Variants in FSTL5 observed in about 807,000 individuals in gnomAD.
FSTL5 encodes follistatin like 5.
FSTL5 carries 62 observed loss-of-function variants against 89.1 expected under a neutral mutation model. That is an observed-to-expected ratio of 0.70 (90% CI 0.57 to 0.86). The LOEUF is 0.86. Among genes scored for constraint, FSTL5 ranks in the 40% least tolerant of loss-of-function variants. The pLI is 0.00. For synonymous variants in FSTL5, 383 were observed against 346.2 expected (o/e 1.11, Z -1.18); for missense variants, 1,057 against 1,001.6 (o/e 1.06, Z -0.75).
At chr4:161,854,371 A>T (rs1731654814) in intron 4 of FSTL5, among the ~76,000 whole-genome samples, 1 of 152,368 alleles carries the variant, frequency 6.6e-6, no homozygotes, top group Middle Eastern at 3.4e-3. Flanking sequence ...CACAGGAAAG[A>T]GTAATATCAG....
chr4:161,695,669 G>T (rs2126724649), intron 6 of FSTL5, among the ~76,000 whole-genome samples: 1 of 151,980 alleles, frequency 6.6e-6, no homozygotes, highest in South Asian at 2.1e-4. Flanking sequence ...GGAGTTAGGT[G>T]GTATTGCATG....
At chr4:162,124,954 T>C (rs907704040) in intron 1 of FSTL5, among the ~76,000 whole-genome samples, 9 of 152,194 alleles carry the variant, frequency 5.9e-5, no homozygotes, top group South Asian at 2.1e-4. Context: ...CCGCCCGCCT[T>C]GGCCTCCCAA....
intron 4 of FSTL5, among the ~76,000 whole-genome samples, chr4:161,868,223 T>C (rs562685481): frequency 1.1e-3 from 163 of 152,310 alleles, no homozygotes; most frequent in Admixed American, 3.1e-3. Flanking sequence ...TAGTCTACCA[T>C]TTCTTCACTC....
chr4:161,805,138 T>C (rs1579104988), intron 4 of FSTL5, among the ~76,000 whole-genome samples: 2 of 152,096 alleles, frequency 1.3e-5, no homozygotes, highest in East Asian at 1.9e-4. Flanking sequence ...TACCTTCCAA[T>C]GTCAATAGCT....
At chr4:161,400,402 A>G (rs1731144871) in intron 15 of FSTL5, among the ~76,000 whole-genome samples, 1 of 152,082 alleles carries the variant, frequency 6.6e-6, no homozygotes, top group Non-Finnish European at 1.5e-5. Flanking sequence ...TTAATCTTAA[A>G]TATACATTTC....
chr4:161,574,809 C>G (rs1364331458), intron 8 of FSTL5, among the ~76,000 whole-genome samples: 1 of 152,154 alleles, frequency 6.6e-6, no homozygotes, highest in Non-Finnish European at 1.5e-5. Context: ...AATAAACATA[C>G]ATGTGCATGT....
chr4:161,552,100 T>A (rs1732237388), intron 8 of FSTL5, among the ~76,000 whole-genome samples: 1 of 151,908 alleles, frequency 6.6e-6, no homozygotes. Flanking sequence ...AATAAATAAC[T>A]TTTTAAAGTG....
intron 2 of FSTL5, chr4:162,041,891 C>T (rs1336340615): frequency 6.6e-6 from 1 of 152,050 alleles, no homozygotes; most frequent in East Asian, 1.9e-4. Flanking sequence ...TGGCTCATGC[C>T]TGTAATCCCA....
intron 2 of FSTL5, among the ~76,000 whole-genome samples, chr4:162,071,337 G>A (rs185553586): frequency 1.7e-3 from 265 of 151,516 alleles, no homozygotes; most frequent in Non-Finnish European, 3.0e-3. Context: ...AAGCAAGCAG[G>A]AGTAACTATA....
intron 2 of FSTL5, among the ~76,000 whole-genome samples, chr4:162,082,139 C>T (rs1025093542): frequency 1.3e-5 from 2 of 151,644 alleles, no homozygotes; most frequent in East Asian, 1.9e-4. Context: ...CTATCTGATT[C>T]TTGTGCCTTT....
At chr4:161,848,960 C>T (rs1376966845) in intron 4 of FSTL5, among the ~76,000 whole-genome samples, 2 of 151,904 alleles carry the variant, frequency 1.3e-5, no homozygotes, top group Admixed American at 6.6e-5. Context: ...GTGAAAACTG[C>T]CATAAGTGAG....
intron 3 of FSTL5, among the ~76,000 whole-genome samples, chr4:161,973,384 T>G (rs570621250): frequency 2.0e-5 from 3 of 152,180 alleles, no homozygotes; most frequent in African/African-American, 7.2e-5. Flanking sequence ...CATATTTCAG[T>G]TGCAGAAAGC....
intron 3 of FSTL5, among the ~76,000 whole-genome samples, chr4:161,965,170 G>A (rs1488327397): frequency 6.6e-6 from 1 of 151,944 alleles, no homozygotes; most frequent in South Asian, 2.1e-4. Flanking sequence ...TCCAATGTTT[G>A]ACCTAAACTT....
chr4:161,778,262 G>A (rs965445572), intron 4 of FSTL5, among the ~76,000 whole-genome samples: 1 of 152,072 alleles, frequency 6.6e-6, no homozygotes, highest in African/African-American at 2.4e-5. Context: ...CAGCAAATGC[G>A]ATATGAAATA....
chr4:161,580,256 A>G (rs887238986), intron 8 of FSTL5, among the ~76,000 whole-genome samples: 1 of 152,196 alleles, frequency 6.6e-6, no homozygotes, highest in Admixed American at 6.5e-5. Context: ...AAGTTAACGA[A>G]TTTTTGTACT....
intron 4 of FSTL5, among the ~76,000 whole-genome samples, chr4:161,823,424 C>A (rs1730557843): frequency 6.6e-6 from 1 of 152,178 alleles, no homozygotes; most frequent in Non-Finnish European, 1.5e-5. Context: ...GTGGGGCTGG[C>A]ATGTCAGCAC....
At chr4:162,143,122 T>C (rs955475722) in intron 1 of FSTL5, among the ~76,000 whole-genome samples, 5 of 152,124 alleles carry the variant, frequency 3.3e-5, no homozygotes, top group African/African-American at 1.2e-4. Flanking sequence ...TGCTGATATC[T>C]GATTATAGGT....
chr4:161,647,420 G>T (rs1471732582), intron 7 of FSTL5, among the ~76,000 whole-genome samples: 1 of 151,992 alleles, frequency 6.6e-6, no homozygotes, highest in Admixed American at 6.6e-5. Context: ...ATAAGGAAAT[G>T]AAATACTTTA....
chr4:162,122,379 G>A (rs933895585), intron 1 of FSTL5, among the ~76,000 whole-genome samples: 1 of 151,994 alleles, frequency 6.6e-6, no homozygotes, highest in Non-Finnish European at 1.5e-5. Context: ...TTGCTTGGAG[G>A]TCACTACTGT....
Sources: allele counts gnomAD v4.1 joint callset (sites outside exome capture counted in the v4.1 genomes callset), GRCh38; gene constraint gnomAD v4.1.1; transcripts MANE v1.5; gene names NCBI Gene and HGNC (gene_info 2026-07-23, HGNC 2026-07-21).